SND1: variants seen among roughly 807,000 people sequenced by gnomAD.
SND1 encodes the protein staphylococcal nuclease domain-containing protein 1.
Under a neutral mutation model 121.7 loss-of-function variants are expected in SND1, and 38 were observed. The ratio of observed to expected loss-of-function variants is 0.31; its 90% CI spans 0.24 to 0.41. The LOEUF is 0.41. SND1 is among the 10% of genes least tolerant of loss of function. The pLI, the probability that SND1 is intolerant of heterozygous loss-of-function variation, is 1.00. For synonymous variants in SND1, 401 were observed against 447.4 expected, an observed-to-expected ratio of 0.90 and a Z score of 1.31; for missense variants, 868 against 1,184.6, an observed-to-expected ratio of 0.73 and a Z score of 3.92.
At chr7:127,931,316 A>G (rs1800952423) in intron 15 of SND1, among the ~76,000 whole-genome samples, 2 of 152,200 alleles carry the variant, frequency 1.3e-5, no homozygotes, top group Non-Finnish European at 2.9e-5. Context: ...CAGTCACAAT[A>G]TTTCCTTAAG....
Position 127,888,023 on chromosome 7 carries a change from A to C in SND1, c.1454+11A>C. ...TGCTGCAGAGGCCAGGTAAGACCAA[A>C]CATTACTAAACACATGGGGAACCCA... On this transcript the variant is annotated intron_variant, in intron 13 of 23. Transcript: ENST00000354725. The C allele has an allele frequency of 6.3e-7, 1 of 1,578,956 alleles. No individual in the cohort carries two copies. Among genetic ancestry groups the C allele is most frequent in the Non-Finnish European group, 8.7e-7 (1 of 1,149,438 alleles).
intron 11 of SND1, among the ~76,000 whole-genome samples, chr7:127,828,465 G>A (rs1452498140): frequency 2.6e-5 from 4 of 151,990 alleles, no homozygotes; most frequent in Admixed American, 6.6e-5. Context: ...CTTGGACAGC[G>A]ATTACAGTAA....
chr7:127,786,021 A>T (rs578102213), intron 10 of SND1, among the ~76,000 whole-genome samples: 1 of 152,144 alleles, frequency 6.6e-6, no homozygotes, highest in Non-Finnish European at 1.5e-5. Context: ...AAAGATGTCT[A>T]AAAAAAATTT....
intron 1 of SND1, among the ~76,000 whole-genome samples, chr7:127,660,049 G>A (rs1795282338): frequency 7.1e-6 from 1 of 140,438 alleles, no homozygotes; most frequent in African/African-American, 2.8e-5. Flanking sequence ...TGAGAAAGAA[G>A]ATTAGTGGAA....
chr7:127,656,741 C>T (rs1326369770), intron 1 of SND1, among the ~76,000 whole-genome samples: 1 of 152,126 alleles, frequency 6.6e-6, no homozygotes, highest in Non-Finnish European at 1.5e-5. Flanking sequence ...GAGGGACTGG[C>T]TATGTTGAAG....
chr7:127,788,962 T>A (rs1477498101), intron 10 of SND1, among the ~76,000 whole-genome samples: 1 of 152,234 alleles, frequency 6.6e-6, no homozygotes, highest in Admixed American at 6.5e-5. Flanking sequence ...TTGTATATAT[T>A]TCCTCATCCT....
intron 16 of SND1, among the ~76,000 whole-genome samples, chr7:128,034,236 T>A (rs1372083751): frequency 6.6e-6 from 1 of 152,018 alleles, no homozygotes; most frequent in African/African-American, 2.4e-5. Flanking sequence ...CAGTGAAGGA[T>A]GTGTCAGAGA....
At chr7:127,684,797 T>G (rs1271222314) in intron 1 of SND1, among the ~76,000 whole-genome samples, 2 of 152,186 alleles carry the variant, frequency 1.3e-5, no homozygotes. Flanking sequence ...CCATGGTATA[T>G]AACCAGGGAT....
chr7:127,803,571 T>G (rs973808721), intron 10 of SND1, among the ~76,000 whole-genome samples: 2 of 152,222 alleles, frequency 1.3e-5, no homozygotes, highest in Non-Finnish European at 2.9e-5. Flanking sequence ...TCAATTTATA[T>G]TCTTTTTTCT....
intron 11 of SND1, among the ~76,000 whole-genome samples, chr7:127,808,498 A>G (rs118162968): frequency 0.049 from 7,434 of 152,232 alleles, 232 homozygotes; most frequent in Admixed American, 0.083. Context: ...TGACTTTTGA[A>G]CTAATACCAA....
At chr7:127,685,240 G>A (rs777587723) in intron 1 of SND1, among the ~76,000 whole-genome samples, 2 of 152,148 alleles carry the variant, frequency 1.3e-5, no homozygotes, top group Non-Finnish European at 2.9e-5. Context: ...GAGAGGTGGA[G>A]AGCAATGCAC....
chr7:127,781,644 A>G (rs957722579), intron 10 of SND1, among the ~76,000 whole-genome samples: 2 of 152,004 alleles, frequency 1.3e-5, no homozygotes, highest in Admixed American at 1.3e-4. Flanking sequence ...TCATGGTTTG[A>G]TTTATAAGTC....
At chr7:127,768,234 T>C (rs1797454247) in intron 10 of SND1, among the ~76,000 whole-genome samples, 1 of 152,202 alleles carries the variant, frequency 6.6e-6, no homozygotes, top group Non-Finnish European at 1.5e-5. Context: ...ATCTGTCTTT[T>C]AACTGACTAC....
intron 16 of SND1, among the ~76,000 whole-genome samples, chr7:128,062,400 A>G (rs1793246260): frequency 6.6e-6 from 1 of 152,202 alleles, no homozygotes; most frequent in South Asian, 2.1e-4. Flanking sequence ...CGTGAGGACA[A>G]AAGGAAAGAG....
chr7:127,663,309 T>C (rs928406033), intron 1 of SND1, among the ~76,000 whole-genome samples: 2 of 152,206 alleles, frequency 1.3e-5, no homozygotes, highest in Non-Finnish European at 2.9e-5. Context: ...TTATTCTTAC[T>C]GTTTTTTTCT....
chr7:127,695,072 A>T, intron 3 of SND1, 124 bp downstream of exon 3: 1 of 1,108,124 alleles, frequency 9.0e-7, no homozygotes, highest in South Asian at 1.6e-5. Context: ...GGCTGAAGGC[A>T]TAAATGCAAA....
chr7:127,804,578 A>G (rs2116570378), intron 10 of SND1, among the ~76,000 whole-genome samples: 1 of 152,252 alleles, frequency 6.6e-6, no homozygotes, highest in African/African-American at 2.4e-5. Context: ...AATTACAGCC[A>G]ACTGACATTC....
chr7:128,030,158 G>A (rs746417454), intron 16 of SND1: 4 of 1,614,114 alleles, frequency 2.5e-6, no homozygotes, highest in Non-Finnish European at 2.5e-6. Flanking sequence ...AAGAGGGGAT[G>A]CTTTCGATGG....
intron 16 of SND1, among the ~76,000 whole-genome samples, chr7:128,053,780 G>C (rs142643251): frequency 6.6e-6 from 1 of 152,188 alleles, no homozygotes; most frequent in African/African-American, 2.4e-5. Context: ...GACTAGGGAA[G>C]GATTCTCTGG....
Sources: allele counts gnomAD v4.1 joint callset (sites outside exome capture counted in the v4.1 genomes callset), GRCh38; gene constraint gnomAD v4.1.1; transcripts MANE v1.5; gene names NCBI Gene and HGNC (gene_info 2026-07-23, HGNC 2026-07-21).